Variants in AHCY observed in about 807,000 individuals in gnomAD.
AHCY encodes S-adenosyl-L-homocysteine hydrolase.
Under a neutral mutation model 45.4 loss-of-function variants are expected in AHCY, and 24 were observed. The observed-to-expected ratio is 0.53, with a 90% CI of 0.38 to 0.74. The LOEUF (loss-of-function observed/expected upper bound fraction) is 0.74. Among genes scored for constraint, AHCY ranks in the 30% least tolerant of loss-of-function variants. The pLI is 0.00. For synonymous variants in AHCY, 245 were observed against 235.1 expected, an observed-to-expected ratio of 1.04 and a Z score of -0.39; for missense variants, 449 against 594.1, an observed-to-expected ratio of 0.76 and a Z score of 2.54.
chr20:34,245,266 G>A, the AHCY span, among the ~76,000 whole-genome samples: 16 of 149,414 alleles, frequency 1.1e-4, no homozygotes, highest in Non-Finnish European at 1.9e-4. Flanking sequence ...CCTGGGAGGC[G>A]GAGGTGGCAG....
chr20:34,308,095 C>T (rs1337455321), upstream of AHCY, among the ~76,000 whole-genome samples: 1 of 152,162 alleles, frequency 6.6e-6, no homozygotes, highest in Admixed American at 6.6e-5. Context: ...TAATGGCCTC[C>T]AGTTGCATCT....
the AHCY span, among the ~76,000 whole-genome samples, chr20:34,235,764 GAC>G: frequency 1.4e-5 from 2 of 147,496 alleles, no homozygotes; most frequent in African/African-American, 5.0e-5. Context: ...CAGCCTGTGT[GAC>G]AGAGTGAGAC....
At chr20:34,246,752 C>T in the AHCY span, among the ~76,000 whole-genome samples, 16 of 152,308 alleles carry the variant, frequency 1.1e-4, no homozygotes, top group Middle Eastern at 3.4e-3. Flanking sequence ...GCCCCTGTGC[C>T]GGGCCTTCAT....
chr20:34,250,816 C>T, the AHCY span, among the ~76,000 whole-genome samples: 3 of 152,122 alleles, frequency 2.0e-5, no homozygotes, highest in Non-Finnish European at 2.9e-5. Context: ...GACTGGGAGA[C>T]TGTAGTCCTT....
At chr20:34,261,353 A>T in the AHCY span, among the ~76,000 whole-genome samples, 3 of 152,036 alleles carry the variant, frequency 2.0e-5, no homozygotes, top group African/African-American at 4.8e-5. Context: ...TTTAAAAACT[A>T]GCAAGGCACG....
chr20:34,249,682 T>TGTTAGAGAGTAG, the AHCY span, among the ~76,000 whole-genome samples: 3 of 152,198 alleles, frequency 2.0e-5, no homozygotes, highest in Non-Finnish European at 4.4e-5. Flanking sequence ...GCCTCAACTC[T>TGTTAGAGAGTAG]AACACTTCCC....
the AHCY span, among the ~76,000 whole-genome samples, chr20:34,250,758 C>A: frequency 6.6e-6 from 1 of 152,130 alleles, no homozygotes; most frequent in African/African-American, 2.4e-5. Context: ...CTTCCATTCT[C>A]ATCTCTCACT....
chr20:34,276,175 C>A (rs773138662), downstream of AHCY, among the ~76,000 whole-genome samples: 1 of 152,186 alleles, frequency 6.6e-6, no homozygotes, highest in Non-Finnish European at 1.5e-5. Flanking sequence ...GCAAATTCTA[C>A]ACTTGGTGTG....
intron 1 of AHCY, among the ~76,000 whole-genome samples, chr20:34,298,138 C>CA (rs903645157): frequency 6.6e-6 from 1 of 151,444 alleles, no homozygotes; most frequent in African/African-American, 2.4e-5. Flanking sequence ...GACTCGGTCT[C>CA]AAAAAAATAA....
At chr20:34,285,787 A>G (rs1181300137) in intron 8 of AHCY, among the ~76,000 whole-genome samples, 153 bp from the exon 9 acceptor site, 1 of 152,160 alleles carries the variant, frequency 6.6e-6, no homozygotes, top group African/African-American at 2.4e-5. Context: ...CACAAAAATA[A>G]CAGCCAATAT....
At chr20:34,250,358 A>C in the AHCY span, among the ~76,000 whole-genome samples, 1 of 152,192 alleles carries the variant, frequency 6.6e-6, no homozygotes, top group Non-Finnish European at 1.5e-5. Flanking sequence ...AAAAATACTA[A>C]AACAATGCTA....
chr20:34,272,971 G>T, the AHCY span, among the ~76,000 whole-genome samples: 1 of 152,222 alleles, frequency 6.6e-6, no homozygotes, highest in Non-Finnish European at 1.5e-5. Context: ...TATGGGAAGG[G>T]GTGCAGAGCT....
At chr20:34,268,831 G>A in the AHCY span, among the ~76,000 whole-genome samples, 5 of 152,268 alleles carry the variant, frequency 3.3e-5, no homozygotes, top group Admixed American at 3.3e-4. Flanking sequence ...GGGGATGGAG[G>A]TGAGGGAATC....
chr20:34,242,761 T>C, the AHCY span, among the ~76,000 whole-genome samples: 20 of 152,264 alleles, frequency 1.3e-4, no homozygotes, highest in Non-Finnish European at 2.8e-4. Flanking sequence ...TCATCTCACA[T>C]CAAAGCCTCT....
chr20:34,296,877 T>C (rs551657520), intron 1 of AHCY, among the ~76,000 whole-genome samples: 11 of 152,284 alleles, frequency 7.2e-5, no homozygotes, highest in African/African-American at 2.6e-4. Flanking sequence ...GTCAGTCAGC[T>C]TCCTACAGTG....
At chr20:34,250,770 C>T in the AHCY span, among the ~76,000 whole-genome samples, 1 of 152,170 alleles carries the variant, frequency 6.6e-6, no homozygotes, top group Admixed American at 6.5e-5. Context: ...TCTCTCACTA[C>T]ACCTCTGTCT....
the AHCY span, chr20:34,260,446 G>A: frequency 6.2e-7 from 1 of 1,614,100 alleles, no homozygotes; most frequent in Non-Finnish European, 8.5e-7. Flanking sequence ...ACAGCCACCT[G>A]CCACCTGAGG....
chr20:34,290,163 G>A lies in AHCY; in HGVS notation c.972+169C>T, dbSNP rs112569852. Among the ~76,000 whole-genome samples, 34 of 152,238 alleles carry A rather than the reference G, an allele frequency of 2.2e-4. No individual in the cohort carries two copies. The highest frequency in any genetic ancestry group is 4.3e-4 in the African/African-American group (18 of 41,526). Reference sequence around the variant, plus strand: ...CCTGCCTGATACCTTCAGGGATGCCGGCTGCCCACAGGATAAGGTTGCCAC... The same window carrying A: ...CCTGCCTGATACCTTCAGGGATGCCAGCTGCCCACAGGATAAGGTTGCCAC... On this transcript the variant is annotated intron_variant, in intron 8 of 9. Transcript: ENST00000217426. This position sits in a 1 kb window ranked among gnomAD's most constrained non-coding sequence, Gnocchi z 4.5.
intron 1 of AHCY, among the ~76,000 whole-genome samples, chr20:34,310,365 T>C (rs1438057098): frequency 6.6e-6 from 1 of 152,222 alleles, no homozygotes; most frequent in Non-Finnish European, 1.5e-5. Flanking sequence ...GGCTGATTAA[T>C]TTTATTTTTA....
Sources: allele counts gnomAD v4.1 joint callset (sites outside exome capture counted in the v4.1 genomes callset), GRCh38; gene constraint gnomAD v4.1.1; non-coding constraint Gnocchi (gnomAD v3.1); transcripts MANE v1.5; gene names NCBI Gene and HGNC (gene_info 2026-07-23, HGNC 2026-07-21).